The following RIGI variants were observed in gnomAD, a reference collection of about 807,000 sequenced individuals.
RIGI encodes antiviral innate immune response receptor RIG-I.
At chr9:32,501,320 C>T in the RIGI span, among the ~76,000 whole-genome samples, 2 of 84,694 alleles carry the variant, frequency 2.4e-5, no homozygotes, top group Non-Finnish European at 4.5e-5. Context: ...TGCACCCAGC[C>T]TCTACAAAAA....
the RIGI span, among the ~76,000 whole-genome samples, chr9:32,525,272 C>G: frequency 6.6e-5 from 10 of 152,190 alleles, no homozygotes; most frequent in Non-Finnish European, 1.5e-4. Context: ...GTTCGCCCCT[C>G]TTTGTTCAGT....
chr9:32,492,574 C>G, the RIGI span: 2 of 1,610,524 alleles, frequency 1.2e-6, no homozygotes, highest in Non-Finnish European at 1.7e-6. Context: ...GATCAATTAT[C>G]TCAAAAGTTT....
chr9:32,464,590 C>T, the RIGI span, among the ~76,000 whole-genome samples: 4 of 152,060 alleles, frequency 2.6e-5, no homozygotes, highest in East Asian at 5.8e-4. Context: ...GGGGTTTCAC[C>T]GTGGTCTCAA....
chr9:32,492,488 G>A, the RIGI span: 1 of 1,614,084 alleles, frequency 6.2e-7, no homozygotes, highest in Non-Finnish European at 8.5e-7. Flanking sequence ...ATCTGAGAAG[G>A]CATTCCACCA....
chr9:32,506,461 C>T, the RIGI span, among the ~76,000 whole-genome samples: 1 of 152,162 alleles, frequency 6.6e-6, no homozygotes, highest in Non-Finnish European at 1.5e-5. Context: ...GGATTTCTTC[C>T]ACCTTTGGCC....
At chr9:32,522,692 C>T in the RIGI span, among the ~76,000 whole-genome samples, 468 of 152,260 alleles carry the variant, frequency 3.1e-3, 3 homozygotes, top group African/African-American at 0.011. Context: ...ATTAGATTAA[C>T]TTTTGATTCC....
the RIGI span, among the ~76,000 whole-genome samples, chr9:32,472,482 G>A: frequency 6.8e-4 from 104 of 152,180 alleles, no homozygotes; most frequent in Admixed American, 1.8e-3. Flanking sequence ...AGATTTTACC[G>A]ATGGGATTCA....
chr9:32,459,333 T>G, the RIGI span: 2 of 1,603,844 alleles, frequency 1.2e-6, no homozygotes, highest in Non-Finnish European at 1.7e-6. Context: ...TAGCTAGTGC[T>G]AAAACATGAC....
chr9:32,508,160 G>GT, the RIGI span, among the ~76,000 whole-genome samples: 1 of 148,160 alleles, frequency 6.7e-6, no homozygotes, highest in Non-Finnish European at 1.5e-5. Context: ...TGAGGCAAGG[G>GT]ATTTAACTCT....
At chr9:32,515,680 G>A in the RIGI span, among the ~76,000 whole-genome samples, 2 of 152,078 alleles carry the variant, frequency 1.3e-5, no homozygotes, top group Admixed American at 1.3e-4. Context: ...GTCTACTCTT[G>A]CAGTTAGTTT....
chr9:32,513,147 A>G, the RIGI span, among the ~76,000 whole-genome samples: 1 of 151,952 alleles, frequency 6.6e-6, no homozygotes, highest in Non-Finnish European at 1.5e-5. Context: ...CATACTGCCC[A>G]AGGTAATTTA....
At chr9:32,485,619 C>CA in the RIGI span, 1 of 406,658 alleles carries the variant, frequency 2.5e-6, no homozygotes, top group Non-Finnish European at 4.7e-6. Context: ...CGGCTCACTG[C>CA]AACCTCCGTC....
chr9:32,461,593 A>T, the RIGI span, among the ~76,000 whole-genome samples: 1 of 152,178 alleles, frequency 6.6e-6, no homozygotes. Context: ...ACGGACTGTC[A>T]GGAGATAACA....
the RIGI span, chr9:32,493,981 C>T: frequency 3.5e-6 from 5 of 1,434,906 alleles, no homozygotes; most frequent in African/African-American, 5.8e-5. Context: ...TTTATGAAAC[C>T]AACTGAAAAA....
chr9:32,477,555 A>T, the RIGI span, among the ~76,000 whole-genome samples: 2 of 152,226 alleles, frequency 1.3e-5, no homozygotes, highest in African/African-American at 4.8e-5. Context: ...TGTACATGAT[A>T]TATATGATAC....
the RIGI span, among the ~76,000 whole-genome samples, chr9:32,485,818 C>A: frequency 1.7e-4 from 26 of 151,986 alleles, no homozygotes; most frequent in Non-Finnish European, 3.5e-4. Context: ...GGATTACAAG[C>A]GTGATCCACC....
At chr9:32,458,387 G>C in the RIGI span, among the ~76,000 whole-genome samples, 195 of 152,282 alleles carry the variant, frequency 1.3e-3, 1 homozygote, top group African/African-American at 4.5e-3. Flanking sequence ...GAGAAAAAAA[G>C]TCATGGAATC....
At chr9:32,500,874 G>C in the RIGI span, 5 of 1,614,018 alleles carry the variant, frequency 3.1e-6, no homozygotes, top group Non-Finnish European at 4.2e-6. Context: ...AGGAACTTGA[G>C]AAAAAGTGTG....
At chr9:32,468,001 C>G in the RIGI span, 1 of 1,404,974 alleles carries the variant, frequency 7.1e-7, no homozygotes, top group East Asian at 2.3e-5. Flanking sequence ...AAAACAGCTA[C>G]TAATTATGGA....
Sources: allele counts gnomAD v4.1 joint callset (sites outside exome capture counted in the v4.1 genomes callset), GRCh38; gene constraint gnomAD v4.1.1; transcripts MANE v1.5; gene names NCBI Gene and HGNC (gene_info 2026-07-23, HGNC 2026-07-21).